Variants in TBC1D1 observed in about 807,000 individuals in gnomAD.
TBC1D1 encodes TBC1 domain family member 1.
Under a neutral mutation model 125.6 loss-of-function variants are expected in TBC1D1, and 89 were observed. The observed-to-expected ratio is 0.71, with a 90% CI of 0.60 to 0.85. TBC1D1 has a LOEUF of 0.85. TBC1D1 is among the 40% of genes least tolerant of loss of function. The pLI is 0.00. For missense variants in TBC1D1, 1,377 were observed against 1,469.2 expected (o/e 0.94, Z 1.03); for synonymous variants, 565 against 564.1 (o/e 1.00, Z -0.02).
At chr4:38,112,105 A>G in intron 15 of TBC1D1, 2 of 984,342 alleles carry the variant, frequency 2.0e-6, no homozygotes, top group Non-Finnish European at 2.4e-6. Context: ...AGTTTGGGTA[A>G]TAACAAGAGA....
rs761990419 is a variant in TBC1D1 at position 37,960,630 on chromosome 4, A to G, written c.418-53879A>G. ...TAAAGCTACCAGAAAGGCTTTGGGC[A>G]CTGTCAACAGAGCTACAGAAAAGTC... On this transcript the variant is annotated intron_variant, in intron 2 of 19. Transcript: ENST00000261439. The G allele has an allele frequency of 2.7e-5, 43 of 1,614,222 alleles. No homozygotes were observed. The South Asian group carries it at 4.3e-4, about 16-fold the overall frequency.
intron 19 of TBC1D1, among the ~76,000 whole-genome samples, chr4:38,135,733 A>T (rs747621188): frequency 2.0e-5 from 3 of 152,110 alleles, no homozygotes; most frequent in African/African-American, 4.8e-5. Context: ...TCCCTTTTTC[A>T]TATTTTGGGT....
intron 2 of TBC1D1, among the ~76,000 whole-genome samples, chr4:37,944,912 G>A (rs532415486): frequency 7.2e-5 from 11 of 152,186 alleles, no homozygotes; most frequent in African/African-American, 1.7e-4. Flanking sequence ...GAAATCACCC[G>A]TCTTCTGTGT....
At chr4:37,973,949 C>T (rs1482028108) in intron 2 of TBC1D1, among the ~76,000 whole-genome samples, 2 of 152,312 alleles carry the variant, frequency 1.3e-5, no homozygotes, top group East Asian at 1.9e-4. Context: ...CATTTCTAAC[C>T]AACAGCCAGT....
At chr4:38,041,128 TTCTTTC>T (rs1283157423) in intron 8 of TBC1D1, among the ~76,000 whole-genome samples, 1 of 152,220 alleles carries the variant, frequency 6.6e-6, no homozygotes, top group Non-Finnish European at 1.5e-5. Context: ...TGAGAATCCA[TTCTTTC>T]TCTTTTATGC....
chr4:38,081,437 C>T lies in TBC1D1; in HGVS notation c.2051-8495C>T, dbSNP rs146019911. On this transcript the variant is annotated intron_variant, in intron 12 of 19. Transcript: ENST00000261439. The stretch of plus-strand genomic sequence containing the variant: ...ACCATGGGCCCTGGACACAGCAAGA[C>T]GGTGACCCCGGGCCTCCTATTGTTG... Among the ~76,000 whole-genome samples, 350 of 152,046 alleles carry T rather than the reference C, an allele frequency of 2.3e-3. 5 individuals carry two copies. The East Asian group carries it at 0.04, about 17-fold the overall frequency.
chr4:38,085,879 G>C (rs569964776), intron 12 of TBC1D1, among the ~76,000 whole-genome samples: 2 of 152,286 alleles, frequency 1.3e-5, no homozygotes, highest in Non-Finnish European at 2.9e-5. Context: ...CTCAGACTTT[G>C]ATTTTGTTCT....
chr4:38,092,268 A>G (rs1472454746), intron 13 of TBC1D1, among the ~76,000 whole-genome samples: 6 of 152,222 alleles, frequency 3.9e-5, no homozygotes, highest in African/African-American at 1.4e-4. Context: ...GTATAATGAA[A>G]CAAATTTTAC....
Position 37,995,389 on chromosome 4 carries a change from A to G in TBC1D1, c.418-19120A>G, listed in dbSNP as rs536899351. The G allele has an allele frequency of 1.1e-5, 2 of 181,352 alleles. No individual in the cohort carries two copies. The highest frequency in any genetic ancestry group is 4.7e-5 in the African/African-American group (2 of 42,176). The allele number at this position is 181,352 out of a possible 1,614,324, so 11.2% of individuals were successfully genotyped here. ...TAAAAGCAGGAAGAAAATATTTGCCACTCAGTTCTGTTTTTTAGGTATCAA... is the reference window on the plus strand; with the variant it reads ...TAAAAGCAGGAAGAAAATATTTGCCGCTCAGTTCTGTTTTTTAGGTATCAA... On this transcript the variant is annotated intron_variant, in intron 2 of 19. Coordinates refer to ENST00000261439, the MANE Select transcript of TBC1D1 (RefSeq NM_015173.4). This position sits in a 1 kb window ranked among gnomAD's most constrained non-coding sequence, Gnocchi z 4.3.
intron 2 of TBC1D1, among the ~76,000 whole-genome samples, chr4:37,924,057 A>G (rs1478138183): frequency 6.6e-6 from 1 of 151,728 alleles, no homozygotes; most frequent in Non-Finnish European, 1.5e-5. Context: ...AATCTCTAGA[A>G]TTTGCTTCAG....
chr4:37,936,103 G>T (rs535351070), intron 2 of TBC1D1, among the ~76,000 whole-genome samples: 1 of 152,078 alleles, frequency 6.6e-6, no homozygotes, highest in Admixed American at 6.6e-5. Context: ...CCGCTTAGAC[G>T]TGCAGTGGTC....
chr4:38,103,059 A>G lies in TBC1D1; in HGVS notation c.2459A>G (p.Lys820Arg). The G allele has an allele frequency of 1.2e-6, 2 of 1,614,188 alleles. No homozygotes were observed. Among genetic ancestry groups the G allele is most frequent in the Middle Eastern group, 3.3e-4 (2 of 6,062 alleles). ...TTTCTAGCTGAGCAATTCCACCTTA[A>G]ACACCAGTTTCCCAGCAAACAGCAG... Residue 820 changes from lysine (K) to arginine (R), a missense_variant, in exon 15 of 20, where the codon AAA becomes AGA. Lys to Arg is a conservative substitution (Grantham distance 26). This residue lies in a region of TBC1D1 where 543 missense variants were observed against 613.5 expected (regional missense o/e 0.89). Coordinates refer to ENST00000261439, the MANE Select transcript of TBC1D1 (RefSeq NM_015173.4).
chr4:38,004,966 G>T (rs148667904), intron 2 of TBC1D1, among the ~76,000 whole-genome samples: 1 of 152,164 alleles, frequency 6.6e-6, no homozygotes, highest in East Asian at 1.9e-4. Context: ...GCAACTTAAC[G>T]AGCCCAGAAG....
intron 2 of TBC1D1, among the ~76,000 whole-genome samples, chr4:37,917,636 CTG>C (rs543809536): frequency 1.1e-3 from 164 of 152,262 alleles, no homozygotes; most frequent in African/African-American, 3.7e-3. Flanking sequence ...ATTGGACTAA[CTG>C]TGGACTCCCA....
chr4:38,105,613 T>C (rs557775562), intron 15 of TBC1D1, among the ~76,000 whole-genome samples: 1 of 152,096 alleles, frequency 6.6e-6, no homozygotes, highest in Admixed American at 6.5e-5. Flanking sequence ...CCCCCAGGAG[T>C]CCCTGGTGTC....
At chr4:37,956,075 G>C (rs1428314693) in intron 2 of TBC1D1, among the ~76,000 whole-genome samples, 1 of 151,518 alleles carries the variant, frequency 6.6e-6, no homozygotes, top group Non-Finnish European at 1.5e-5. Flanking sequence ...ACTCAGGCTG[G>C]AGTACCGGTG....
chr4:38,089,138 AG>A, intron 12 of TBC1D1, among the ~76,000 whole-genome samples: 1 of 152,356 alleles, frequency 6.6e-6, no homozygotes, highest in South Asian at 2.1e-4. Flanking sequence ...CTTCTGAATC[AG>A]GAAGACATGA....
intron 2 of TBC1D1, among the ~76,000 whole-genome samples, chr4:37,956,881 G>A (rs1053378876): frequency 6.6e-6 from 1 of 151,356 alleles, no homozygotes; most frequent in Admixed American, 6.6e-5. Flanking sequence ...GGAAGATGAA[G>A]TGAGCAGAGA....
chr4:37,900,181 A>T (rs1443295850), intron 1 of TBC1D1, among the ~76,000 whole-genome samples: 1 of 152,030 alleles, frequency 6.6e-6, no homozygotes, highest in Non-Finnish European at 1.5e-5. Flanking sequence ...GAAATTCGTC[A>T]GAGCAAACAA....
Sources: allele counts gnomAD v4.1 joint callset (sites outside exome capture counted in the v4.1 genomes callset), GRCh38; gene constraint gnomAD v4.1.1; regional missense constraint gnomAD v4.1.1; non-coding constraint Gnocchi (gnomAD v3.1); transcripts MANE v1.5; gene names NCBI Gene and HGNC (gene_info 2026-07-23, HGNC 2026-07-21).